CCDC171: variants seen among roughly 807,000 people sequenced by gnomAD.
CCDC171 encodes the protein coiled-coil domain-containing protein 171.
CCDC171 carries 177 observed loss-of-function variants against 168.2 expected under a neutral mutation model. The ratio of observed to expected loss-of-function variants is 1.05; its 90% CI spans 0.93 to 1.19. The LOEUF is 1.19. CCDC171 is among the 50% of genes most tolerant of loss of function. The pLI, the probability that CCDC171 is intolerant of heterozygous loss-of-function variation, is 0.00. For missense variants in CCDC171, 1,991 were observed against 1,539.0 expected (o/e 1.29, Z -4.91); for synonymous variants, 687 against 540.8 (o/e 1.27, Z -3.75).
chr9:16,099,127 G>A, the CCDC171 span, among the ~76,000 whole-genome samples: 1 of 152,190 alleles, frequency 6.6e-6, no homozygotes, highest in South Asian at 2.1e-4. Flanking sequence ...CCCTGGGTTT[G>A]AAAAATTCAT....
intron 18 of CCDC171, among the ~76,000 whole-genome samples, chr9:15,750,343 A>G (rs1365378935): frequency 2.0e-5 from 3 of 152,174 alleles, no homozygotes; most frequent in East Asian, 1.9e-4. Context: ...TACTCACCAA[A>G]AAAAGCCCAG....
chr9:15,725,164 A>G (rs777058379), intron 14 of CCDC171, among the ~76,000 whole-genome samples, 188 bp downstream of exon 14: 2 of 152,240 alleles, frequency 1.3e-5, no homozygotes, highest in East Asian at 1.9e-4. Flanking sequence ...GAGAAGTACT[A>G]TAACTTGCAC....
intron 3 of CCDC171, among the ~76,000 whole-genome samples, chr9:15,987,556 G>A (rs1337353263): frequency 2.6e-5 from 4 of 152,204 alleles, no homozygotes; most frequent in Admixed American, 2.6e-4. Context: ...AAGATTGACT[G>A]TAGCCTTGTT....
chr9:15,823,880 A>G (rs2059902670), intron 21 of CCDC171, among the ~76,000 whole-genome samples: 1 of 152,128 alleles, frequency 6.6e-6, no homozygotes, highest in Non-Finnish European at 1.5e-5. Flanking sequence ...GAAAAAAATT[A>G]TTTGTCTTTT....
At chr9:16,045,680 G>T (rs999160431) in intron 1 of CCDC171, among the ~76,000 whole-genome samples, 1 of 152,210 alleles carries the variant, frequency 6.6e-6, no homozygotes, top group Non-Finnish European at 1.5e-5. Context: ...AGCCAGAGCA[G>T]CACTTGGGGA....
chr9:15,790,452 T>C (rs746053327), intron 21 of CCDC171, among the ~76,000 whole-genome samples: 13 of 152,222 alleles, frequency 8.5e-5, no homozygotes, highest in Non-Finnish European at 1.9e-4. Context: ...TGTTTGTTTT[T>C]TTCTTGTAAA....
intron 8 of CCDC171, among the ~76,000 whole-genome samples, chr9:16,036,584 C>T (rs1381048094): frequency 2.6e-5 from 4 of 152,336 alleles, no homozygotes; most frequent in Non-Finnish European, 5.9e-5. Flanking sequence ...GTGGAGCTTT[C>T]AGTGAGTGGA....
intron 1 of CCDC171, among the ~76,000 whole-genome samples, chr9:16,053,867 T>A (rs959045228): frequency 2.6e-5 from 4 of 152,206 alleles, no homozygotes; most frequent in Admixed American, 2.6e-4. Flanking sequence ...GATGAGTAAA[T>A]CTGAACATCT....
the CCDC171 span, among the ~76,000 whole-genome samples, chr9:16,070,625 G>C: frequency 6.6e-6 from 1 of 152,206 alleles, no homozygotes; most frequent in African/African-American, 2.4e-5. Flanking sequence ...ACTGTCTTCA[G>C]ACTCACAACT....
At chr9:15,615,850 C>G (rs1038564933) in intron 6 of CCDC171, among the ~76,000 whole-genome samples, 3 of 151,344 alleles carry the variant, frequency 2.0e-5, no homozygotes, top group African/African-American at 7.3e-5. Flanking sequence ...ATGATCTCAG[C>G]TTGCTGCAGC....
At chr9:15,809,150 A>T (rs530680400) in intron 21 of CCDC171, among the ~76,000 whole-genome samples, 293 of 152,304 alleles carry the variant, frequency 1.9e-3, no homozygotes, top group Non-Finnish European at 2.8e-3. Context: ...GGAACATAAA[A>T]CATTCAAATC....
chr9:15,917,102 A>T (rs1180855784), intron 24 of CCDC171, among the ~76,000 whole-genome samples: 4 of 152,046 alleles, frequency 2.6e-5, no homozygotes, highest in African/African-American at 9.6e-5. Flanking sequence ...TGCCAACTTG[A>T]CACCTTTCTT....
intron 24 of CCDC171, among the ~76,000 whole-genome samples, chr9:15,904,656 A>G (rs1210894585): frequency 6.6e-6 from 1 of 152,212 alleles, no homozygotes; most frequent in African/African-American, 2.4e-5. Flanking sequence ...GTCAGGATCA[A>G]ATTCACACAT....
At chr9:15,610,694 A>G (rs997299165) in intron 6 of CCDC171, among the ~76,000 whole-genome samples, 2 of 151,396 alleles carry the variant, frequency 1.3e-5, no homozygotes, top group African/African-American at 4.9e-5. Context: ...AATACCTGGG[A>G]CTACAGGTGT....
At chr9:15,640,831 C>G (rs1249388622) in intron 7 of CCDC171, among the ~76,000 whole-genome samples, 1 of 152,118 alleles carries the variant, frequency 6.6e-6, no homozygotes, top group Non-Finnish European at 1.5e-5. Context: ...CTTGGAGACT[C>G]TGACCCTCTG....
chr9:15,632,002 G>T (rs1010023856), intron 7 of CCDC171, among the ~76,000 whole-genome samples: 6 of 152,076 alleles, frequency 3.9e-5, no homozygotes, highest in South Asian at 2.1e-4. Flanking sequence ...AATAAATTAG[G>T]TATTGATGGG....
chr9:15,762,147 G>A (rs1342175056), intron 18 of CCDC171, among the ~76,000 whole-genome samples: 5 of 148,384 alleles, frequency 3.4e-5, no homozygotes, highest in African/African-American at 1.2e-4. Context: ...ACTTCTAAGA[G>A]CCTGAAGCTT....
chr9:15,719,115 C>A (rs1412468519), intron 11 of CCDC171, among the ~76,000 whole-genome samples: 1 of 151,708 alleles, frequency 6.6e-6, no homozygotes, highest in East Asian at 1.9e-4. Flanking sequence ...AAAATCCTAT[C>A]AGATAAATTT....
rs367834168 is a variant in CCDC171, at chr9:15,995,130, A to G, written n.369-25459A>G. Reference sequence around the variant, plus strand: ...CTCTGTTCATTGCTGCTAGCATGCTATTCAAGAAAAAGTTTTTATATTTAC... The same window carrying G: ...CTCTGTTCATTGCTGCTAGCATGCTGTTCAAGAAAAAGTTTTTATATTTAC... On this transcript the variant is annotated intron_variant and non_coding_transcript_variant, in intron 3 of 9. Transcript: ENST00000486641. Among the ~76,000 whole-genome samples the G allele has an allele frequency of 1.7e-3, 258 of 152,316 alleles. 1 individual carries two copies. The highest frequency in any genetic ancestry group is 3.3e-3 in the Admixed American group (51 of 15,292).
Sources: allele counts gnomAD v4.1 joint callset (sites outside exome capture counted in the v4.1 genomes callset), GRCh38; gene constraint gnomAD v4.1.1; transcripts MANE v1.5; gene names NCBI Gene and HGNC (gene_info 2026-07-23, HGNC 2026-07-21).